UTS2B: variants seen among roughly 807,000 people sequenced by gnomAD.
UTS2B encodes the protein urotensin 2B, also known as urotensin-2B.
UTS2B carries 21 observed loss-of-function variants against 19.2 expected under a neutral mutation model. That is an observed-to-expected ratio of 1.09 (90% CI 0.78 to 1.58). The LOEUF (loss-of-function observed/expected upper bound fraction) is 1.58, where lower values mean the gene tolerates loss of function less well. Ranked by LOEUF, UTS2B falls within the 40% of genes most tolerant of loss-of-function variation. The pLI is 0.00. For missense variants in UTS2B, 138 were observed against 130.3 expected, an observed-to-expected ratio of 1.06 and a Z score of -0.29; for synonymous variants, 57 against 50.2, an observed-to-expected ratio of 1.14 and a Z score of -0.58.
chr3:191,292,387 T>C (rs1329466605), intron 4 of UTS2B, among the ~76,000 whole-genome samples: 3 of 152,184 alleles, frequency 2.0e-5, no homozygotes, highest in Non-Finnish European at 2.9e-5. Context: ...ACTTTCTTAA[T>C]TTTATTTTTT....
chr3:191,337,257 C>T, the UTS2B span, among the ~76,000 whole-genome samples: 14 of 152,132 alleles, frequency 9.2e-5, no homozygotes, highest in African/African-American at 3.4e-4. Context: ...GTTCAGTTAT[C>T]GGTATAAACA....
At chr3:191,314,108 G>C (rs192816524) in intron 3 of UTS2B, among the ~76,000 whole-genome samples, 1 of 152,182 alleles carries the variant, frequency 6.6e-6, no homozygotes, top group Non-Finnish European at 1.5e-5. Flanking sequence ...ACTGCACTTC[G>C]TGACTCATCT....
In UTS2B at chr3:191,303,314, A is replaced by T. The variant is rs368059946; in HGVS notation, c.-125+1178T>A. On this transcript the variant is annotated intron_variant, in intron 4 of 8. Coordinates refer to ENST00000340524, the MANE Select transcript of UTS2B (RefSeq NM_198152.5). ...TATCTGCTGTCAATTTATTCCAGAG[A>T]CTCAAATTGTCAAACTTTCAGAGGG... Among the ~76,000 whole-genome samples the T allele has an allele frequency of 3.3e-5, 5 of 152,226 alleles. No individual in the cohort carries two copies. In the East Asian group the frequency reaches 5.8e-4, roughly 18 times the overall value.
the UTS2B span, among the ~76,000 whole-genome samples, chr3:191,339,917 T>C: frequency 2.0e-5 from 3 of 152,218 alleles, no homozygotes; most frequent in South Asian, 6.2e-4. Context: ...ATTGTTGTTA[T>C]CTTGGATGCT....
chr3:191,296,492 T>C (rs915936021), intron 4 of UTS2B, among the ~76,000 whole-genome samples: 1 of 152,218 alleles, frequency 6.6e-6, no homozygotes, highest in Non-Finnish European at 1.5e-5. Context: ...AGCTTCAATA[T>C]GCCACTGTGT....
chr3:191,306,772 T>C (rs1717151577), intron 3 of UTS2B, among the ~76,000 whole-genome samples: 1 of 152,142 alleles, frequency 6.6e-6, no homozygotes, highest in Admixed American at 6.6e-5. Flanking sequence ...TAGCTGGGGT[T>C]TCAGACGCAC....
the UTS2B span, among the ~76,000 whole-genome samples, chr3:191,337,857 C>T: frequency 6.6e-6 from 1 of 151,894 alleles, no homozygotes; most frequent in African/African-American, 2.4e-5. Context: ...ATTATTGGTC[C>T]TGTTTAAAAC....
At chr3:191,292,469 T>C (rs1716746194) in intron 4 of UTS2B, among the ~76,000 whole-genome samples, 1 of 152,208 alleles carries the variant, frequency 6.6e-6, no homozygotes, top group Admixed American at 6.5e-5. Context: ...TATTGATTGA[T>C]TTTGTATAAT....
At chr3:191,306,282 G>A (rs1013917233) in intron 3 of UTS2B, among the ~76,000 whole-genome samples, 1 of 152,106 alleles carries the variant, frequency 6.6e-6, no homozygotes, top group African/African-American at 2.4e-5. Flanking sequence ...TAAGATAAAG[G>A]AAGACTACAT....
In UTS2B at chr3:191,310,901, ATTAT is replaced by A. The variant is rs367898503; in HGVS notation, c.-182+5131_-182+5134del. Among the ~76,000 whole-genome samples, 150 of 152,258 alleles carry A rather than the reference ATTAT, an allele frequency of 9.9e-4. No homozygotes were observed. The Middle Eastern group carries it at 0.014, about 14-fold the overall frequency. On this transcript the variant is annotated intron_variant, in intron 3 of 8. Transcript: ENST00000340524. Reference sequence around the variant, plus strand: ...CTTCTCTTCAATTCCTTCGAAATATATTATTTATTTGTTATCTTTAGGGTCAAGA... The same window carrying A: ...CTTCTCTTCAATTCCTTCGAAATATATTATTTGTTATCTTTAGGGTCAAGA...
At chr3:191,315,658 A>G (rs779313596) in intron 3 of UTS2B, among the ~76,000 whole-genome samples, 2 of 152,244 alleles carry the variant, frequency 1.3e-5, no homozygotes, top group Non-Finnish European at 2.9e-5. Flanking sequence ...TTCCACTGCC[A>G]GAGTCATGCT....
At chr3:191,274,511 T>G (rs929828953) in intron 8 of UTS2B, among the ~76,000 whole-genome samples, 1 of 152,220 alleles carries the variant, frequency 6.6e-6, no homozygotes, top group African/African-American at 2.4e-5. Flanking sequence ...AGTTAAAATT[T>G]GAACCCAGGC....
the UTS2B span, among the ~76,000 whole-genome samples, chr3:191,341,912 A>G: frequency 6.6e-6 from 1 of 152,232 alleles, no homozygotes; most frequent in South Asian, 2.1e-4. Flanking sequence ...TTCTAGGGGA[A>G]GAAATATTAT....
intron 4 of UTS2B, among the ~76,000 whole-genome samples, chr3:191,285,024 C>A (rs1279513572): frequency 1.3e-5 from 2 of 152,274 alleles, no homozygotes; most frequent in East Asian, 3.9e-4. Context: ...GAAGTAAGTA[C>A]ACAGTCAACT....
intron 3 of UTS2B, among the ~76,000 whole-genome samples, chr3:191,305,199 G>A (rs1353447101): frequency 1.3e-5 from 2 of 152,122 alleles, no homozygotes; most frequent in Non-Finnish European, 2.9e-5. Flanking sequence ...TGGGATTGCT[G>A]GGTCAAATGG....
At chr3:191,338,489 C>T in the UTS2B span, among the ~76,000 whole-genome samples, 1 of 152,218 alleles carries the variant, frequency 6.6e-6, no homozygotes, top group African/African-American at 2.4e-5. Flanking sequence ...AAGGGCTATT[C>T]ACTCTCAATG....
At chr3:191,289,382 C>T (rs1716647274) in intron 4 of UTS2B, among the ~76,000 whole-genome samples, 2 of 150,860 alleles carry the variant, frequency 1.3e-5, no homozygotes, top group African/African-American at 4.9e-5. Flanking sequence ...GCACTCCGGC[C>T]TGGGCAACAG....
chr3:191,329,707 G>T (rs376222034), intron 1 of UTS2B: 2 of 1,610,508 alleles, frequency 1.2e-6, no homozygotes, highest in South Asian at 1.1e-5. Context: ...AGTCCAAGCT[G>T]CCTGGAGTCA....
At position 191,278,085 on chromosome 3, in the gene UTS2B, T is replaced by C. The variant is rs777441448; in HGVS notation, c.189A>G (p.Arg63=). The C allele has an allele frequency of 1.1e-5, 17 of 1,555,180 alleles. No homozygotes were observed. In the East Asian group the frequency reaches 4.0e-4, roughly 36 times the overall value. The part of the protein sequence containing the change: ...ALLNKNFDFQ[R]PFNTDLALPN... ...TGTTTAACTCACCAGTGTTGAAAGG[T>C]CTTTGGAAATCAAAATTTTTATTCA... Residue 63 remains arginine, a synonymous_variant, in exon 6 of 9, where the codon AGA becomes AGG. Coordinates refer to ENST00000340524, the MANE Select transcript of UTS2B (RefSeq NM_198152.5).
Sources: allele counts gnomAD v4.1 joint callset (sites outside exome capture counted in the v4.1 genomes callset), GRCh38; gene constraint gnomAD v4.1.1; transcripts MANE v1.5; gene names NCBI Gene and HGNC (gene_info 2026-07-23, HGNC 2026-07-21).